GYPE: variants seen among roughly 807,000 people sequenced by gnomAD.
The protein encoded by GYPE is glycophorin-E.
In GYPE, 8 loss-of-function variants were observed where a neutral mutation model predicts 11.6. That is an observed-to-expected ratio of 0.69 (90% CI 0.41 to 1.25). The LOEUF (loss-of-function observed/expected upper bound fraction) is 1.25, where lower values mean the gene tolerates loss of function less well. Among genes scored for constraint, GYPE ranks in the 50% most tolerant of loss-of-function variants. The pLI is 0.01. For missense variants in GYPE, 90 were observed against 92.8 expected (o/e 0.97, Z 0.12); for synonymous variants, 28 against 29.6 (o/e 0.94, Z 0.18).
intron 1 of GYPE, among the ~76,000 whole-genome samples, chr4:143,881,500 A>C (rs1318853716): frequency 1.3e-5 from 2 of 152,152 alleles, no homozygotes; most frequent in Non-Finnish European, 2.9e-5. Flanking sequence ...ATATATAGCC[A>C]TCTGAACTTT....
chr4:143,892,020 C>T (rs1744427927), intron 1 of GYPE, among the ~76,000 whole-genome samples: 1 of 152,190 alleles, frequency 6.6e-6, no homozygotes, highest in Non-Finnish European at 1.5e-5. Flanking sequence ...GATTCAACTT[C>T]TTCCTGGTTT....
At chr4:143,890,837 C>T (rs1330465130) in intron 1 of GYPE, among the ~76,000 whole-genome samples, 2 of 151,842 alleles carry the variant, frequency 1.3e-5, no homozygotes, top group Non-Finnish European at 2.9e-5. Context: ...CACTTCCTCC[C>T]TCAATTCGCA....
chr4:143,870,867 A>T lies in GYPE; in HGVS notation c.*1395T>A, dbSNP rs1743595609. 2.0e-5 allele frequency: 3 copies of T among 152,166 alleles called. No homozygotes were observed. The South Asian group carries it at 6.2e-4, about 32-fold the overall frequency. 9.4% of individuals were successfully genotyped at this position (152,166 alleles called of 1,614,324 possible). A position where few individuals can be genotyped will look rare whatever the true frequency, so the allele number is the denominator to read the frequency against. ...TATAAAAAACTGCCCAAGACTGTGT[A>T]ATTTATAAAGGAAAGAGGTTTTATT... is the stretch of plus-strand genomic sequence containing the variant. On this transcript the variant is annotated 3_prime_UTR_variant, in exon 4 of 4. Transcript: ENST00000358615.
At chr4:143,876,534 A>G (rs1399680127) in intron 3 of GYPE, among the ~76,000 whole-genome samples, 1 of 152,140 alleles carries the variant, frequency 6.6e-6, no homozygotes, top group East Asian at 1.9e-4. Flanking sequence ...AAAATGGGGG[A>G]CAGATTTATA....
At position 143,871,279 on chromosome 4, in the gene GYPE, C is replaced by T. The variant is rs546662689; in HGVS notation, c.*983G>A. On this transcript the variant is annotated 3_prime_UTR_variant, in exon 4 of 4. Coordinates refer to ENST00000358615, the MANE Select transcript of GYPE (RefSeq NM_198682.3). ...ACCCATAGTCATTACCTTCAAGGAA[C>T]CTAAATCCTGGTGTTTTTATGGTTA... The T allele has an allele frequency of 6.6e-6, 1 of 152,066 alleles. No homozygotes were observed. The highest frequency in any genetic ancestry group is 1.9e-4 in the East Asian group (1 of 5,180). 9.4% of individuals were successfully genotyped at this position (152,066 alleles called of 1,614,324 possible).
intron 1 of GYPE, among the ~76,000 whole-genome samples, chr4:143,894,861 A>T (rs1744564162): frequency 6.6e-6 from 1 of 152,222 alleles, no homozygotes; most frequent in African/African-American, 2.4e-5. Context: ...TACGCAAATC[A>T]ATAAATGTAA....
intron 1 of GYPE, among the ~76,000 whole-genome samples, chr4:143,894,118 T>C (rs1194207574): frequency 6.6e-6 from 1 of 152,174 alleles, no homozygotes; most frequent in Non-Finnish European, 1.5e-5. Context: ...CTGAGGCTTC[T>C]GCATTATTCA....
chr4:143,902,286 T>A (rs1467236497), intron 1 of GYPE, among the ~76,000 whole-genome samples: 1 of 149,844 alleles, frequency 6.7e-6, no homozygotes, highest in Non-Finnish European at 1.5e-5. Flanking sequence ...TTCCTGTAAC[T>A]CTTTCCTGTG....
intron 3 of GYPE, among the ~76,000 whole-genome samples, chr4:143,876,094 GTTTA>G (rs2149903910): frequency 6.6e-6 from 1 of 152,004 alleles, no homozygotes; most frequent in African/African-American, 2.4e-5. Context: ...AAGGCAAAAG[GTTTA>G]TTTTGTTTAT....
At position 143,894,319 on chromosome 4, in the gene GYPE, C is replaced by A. The variant is rs188717994; in HGVS notation, c.37+11152G>T. On this transcript the variant is annotated intron_variant, in intron 1 of 3. Coordinates refer to ENST00000358615, the MANE Select transcript of GYPE (RefSeq NM_198682.3). ...CCTTCTTCTCTCAATTCGTCAAAGT[C>A]ATTATCCGTCCAGCTTTGTTCCGTT... Among the ~76,000 whole-genome samples, 318 of 152,308 alleles carry A rather than the reference C, an allele frequency of 2.1e-3. 3 individuals carry two copies. The highest frequency in any genetic ancestry group is 7.5e-3 in the African/African-American group (311 of 41,558).
intron 1 of GYPE, among the ~76,000 whole-genome samples, chr4:143,897,555 T>C (rs1371540559): frequency 6.6e-6 from 1 of 152,196 alleles, no homozygotes; most frequent in Middle Eastern, 3.2e-3. Flanking sequence ...TGTGGAATTT[T>C]ATTTCAGACA....
chr4:143,901,370 GATTAT>G (rs779084504), intron 1 of GYPE, among the ~76,000 whole-genome samples: 19 of 152,004 alleles, frequency 1.2e-4, no homozygotes, highest in African/African-American at 4.1e-4. Flanking sequence ...AACTTGTCCT[GATTAT>G]ATTATATGGT....
intron 1 of GYPE, among the ~76,000 whole-genome samples, chr4:143,893,450 G>T (rs569460545): frequency 1.3e-5 from 2 of 150,842 alleles, no homozygotes; most frequent in Non-Finnish European, 2.9e-5. Flanking sequence ...GGCTGTTACC[G>T]GATGTGCCTT....
chr4:143,897,147 T>A (rs1298089059), intron 1 of GYPE, among the ~76,000 whole-genome samples: 1 of 152,022 alleles, frequency 6.6e-6, no homozygotes, highest in African/African-American at 2.4e-5. Flanking sequence ...CCCTAAAGCT[T>A]ACAGTATAAT....
intron 2 of GYPE, chr4:143,878,654 G>C (rs542298697): frequency 4.1e-6 from 2 of 489,114 alleles, no homozygotes; most frequent in African/African-American, 2.0e-5. Context: ...TCAGGGAAAC[G>C]ATGGACAAGT....
intron 1 of GYPE, among the ~76,000 whole-genome samples, chr4:143,894,126 T>A (rs567167576): frequency 1.3e-5 from 2 of 152,288 alleles, no homozygotes; most frequent in Non-Finnish European, 2.9e-5. Context: ...TCTGCATTAT[T>A]CACGTAGTTC....
chr4:143,893,947 C>T (rs1406211944), intron 1 of GYPE, among the ~76,000 whole-genome samples: 2 of 152,160 alleles, frequency 1.3e-5, no homozygotes, highest in African/African-American at 4.8e-5. Flanking sequence ...TTCAGGTACA[C>T]CAATAAGATG....
At chr4:143,882,832 T>C (rs1220531492) in intron 1 of GYPE, among the ~76,000 whole-genome samples, 1 of 152,242 alleles carries the variant, frequency 6.6e-6, no homozygotes, top group Non-Finnish European at 1.5e-5. Flanking sequence ...TGGGCTCTTC[T>C]GAAACATAAA....
rs1300176571 is a variant in GYPE at position 143,878,642 on chromosome 4, C to G, written c.136+1769G>C. Reference sequence around the variant, plus strand: ...TCTTTGTCAAATATTAACATATCTGCTTCAGGGAAACGATGGACAAGTTGT... The same window carrying G: ...TCTTTGTCAAATATTAACATATCTGGTTCAGGGAAACGATGGACAAGTTGT... On this transcript the variant is annotated intron_variant, in intron 2 of 3. Coordinates refer to ENST00000358615, the MANE Select transcript of GYPE (RefSeq NM_198682.3). 2.7e-5 allele frequency: 13 copies of G among 483,112 alleles called. 2 individuals carry two copies. Among genetic ancestry groups the G allele is most frequent in the Non-Finnish European group, 4.7e-5 (11 of 231,946 alleles). The allele number at this position is 483,112 out of a possible 1,614,324, so 29.9% of individuals were successfully genotyped here. A position where few individuals can be genotyped will look rare whatever the true frequency, so the allele number is the denominator to read the frequency against.
Sources: gnomAD v4.1 joint callset for allele counts (sites outside exome capture counted in the v4.1 genomes callset) on GRCh38, gnomAD v4.1.1 for gene constraint, MANE v1.5 for transcripts, NCBI Gene and HGNC (gene_info 2026-07-23, HGNC 2026-07-21) for gene names.